The following XRRA1 variants were observed in gnomAD, a reference collection of about 807,000 sequenced individuals.
XRRA1 encodes the protein X-ray radiation resistance-associated protein 1.
Under a neutral mutation model 80.2 loss-of-function variants are expected in XRRA1, and 69 were observed. The observed-to-expected ratio is 0.86, with a 90% CI of 0.71 to 1.05. The LOEUF is 1.05. Among genes scored for constraint, XRRA1 ranks in the 50% least tolerant of loss-of-function variants. The pLI is 0.00. For synonymous variants in XRRA1, 348 were observed against 389.9 expected, an observed-to-expected ratio of 0.89 and a Z score of 1.27; for missense variants, 967 against 976.4, an observed-to-expected ratio of 0.99 and a Z score of 0.13.
chr11:74,945,234 A>G (rs1285042213), intron 1 of XRRA1, 149 bp from the exon 2 acceptor site: 1 of 152,452 alleles, frequency 6.6e-6, no homozygotes, highest in Non-Finnish European at 1.5e-5. Context: ...AGAAACAGAT[A>G]GATACCAATA....
In XRRA1 at chr11:74,843,406, G is replaced by C. The variant is rs761387859; in HGVS notation, c.2197C>G (p.Gln733Glu). The C allele has an allele frequency of 1.2e-6, 2 of 1,612,394 alleles. No individual in the cohort carries two copies. Among genetic ancestry groups the C allele is most frequent in the East Asian group, 4.5e-5 (2 of 44,788 alleles). The change falls in exon 19 of 19, where the codon CAG becomes GAG. Residue 733 changes from glutamine (Q) to glutamate (E), a missense_variant. Physicochemically the swap from Gln to Glu is conservative, Grantham distance 29 (BLOSUM62 2). Transcript: ENST00000684022. ...WTERRLVNHK[Q>E]YLEAKRLLKE... ...AACAGCCTCTTGGCCTCCAGGTACTGCTTGTGGTTCACCAGCCGCCGTTCT... is the reference window on the plus strand; with the variant it reads ...AACAGCCTCTTGGCCTCCAGGTACTCCTTGTGGTTCACCAGCCGCCGTTCT...
intron 14 of XRRA1, among the ~76,000 whole-genome samples, chr11:74,849,570 C>T (rs935931576): frequency 3.3e-5 from 5 of 152,222 alleles, no homozygotes; most frequent in South Asian, 2.1e-4. Context: ...TGGCAGCTGG[C>T]GGGAAGGGAC....
At chr11:74,844,845 AC>A (rs2135323787) in intron 16 of XRRA1, among the ~76,000 whole-genome samples, 1 of 152,366 alleles carries the variant, frequency 6.6e-6, no homozygotes, top group Admixed American at 6.5e-5. Context: ...CTCTGAATAA[AC>A]TGTGGCTCCC....
rs750302556 is a variant in XRRA1 at position 74,845,035 on chromosome 11, G to A, written c.1927+38C>T. The A allele has an allele frequency of 5.6e-6, 9 of 1,598,822 alleles. No homozygotes were observed. In the South Asian group the frequency reaches 6.6e-5, roughly 12 times the overall value. ...CTGACTTGCTCTGAGCTGTGGAGAT[G>A]GCCTCTTGCCCTAGAGCAAGGATAT... On this transcript the variant is annotated intron_variant, in intron 16 of 18. Transcript: ENST00000684022.
rs114566220 is a variant in XRRA1, at chr11:74,939,073, T to C, written c.94+1712A>G. On this transcript the variant is annotated intron_variant, in intron 3 of 18. Transcript: ENST00000684022. ...AATTCTACTATAAGAAAGAGCTGGC[T>C]GGGAGTGGTGGCTCATGCCTGTAAT... Among the ~76,000 whole-genome samples, 797 of 152,308 alleles carry C rather than the reference T, an allele frequency of 5.2e-3. 8 individuals are homozygous for C. The highest frequency in any genetic ancestry group is 0.018 in the African/African-American group (758 of 41,568).
Position 74,928,741 on chromosome 11 carries a change from T to C in XRRA1, c.425-1253A>G, listed in dbSNP as rs193293610. On this transcript the variant is annotated intron_variant, in intron 6 of 18. Transcript: ENST00000684022. ...GCTGCTTTGTGAATATTTCTGGATGTTTCCAATGAACAGCCTTGTACGAGT... is the reference window on the plus strand; with the variant it reads ...GCTGCTTTGTGAATATTTCTGGATGCTTCCAATGAACAGCCTTGTACGAGT... 2.5e-3 allele frequency among the ~76,000 whole-genome samples: 386 copies of C among 152,336 alleles called. 2 individuals carry two copies. The highest frequency in any genetic ancestry group is 9.0e-3 in the African/African-American group (373 of 41,568).
chr11:74,877,864 G>C (rs1201517404), intron 10 of XRRA1, among the ~76,000 whole-genome samples: 1 of 152,002 alleles, frequency 6.6e-6, no homozygotes, highest in African/African-American at 2.4e-5. Flanking sequence ...GTCTATCATT[G>C]TTGGACATTT....
At chr11:74,886,598 C>T (rs983972927) in intron 10 of XRRA1, among the ~76,000 whole-genome samples, 22 of 151,946 alleles carry the variant, frequency 1.4e-4, no homozygotes, top group Non-Finnish European at 8.8e-5. Flanking sequence ...ATTCCATGCC[C>T]GTGATAGGAG....
chr11:74,843,149 G>T lies in XRRA1; in HGVS notation c.*51C>A. The T allele has an allele frequency of 6.6e-7, 1 of 1,511,828 alleles. No individual in the cohort carries two copies. Among genetic ancestry groups the T allele is most frequent in the South Asian group, 1.3e-5 (1 of 78,296 alleles). The allele number at this position is 1,511,828 out of a possible 1,614,324, so 93.7% of individuals were successfully genotyped here. On this transcript the variant is annotated 3_prime_UTR_variant, in exon 19 of 19. Coordinates refer to ENST00000684022, the MANE Select transcript of XRRA1 (RefSeq NM_001378157.1). ...TGCGGTCCAGGGCACAGAGCCCTCG[G>T]GGAGAGCTGGGGCACAGGCCGGGTG...
intron 10 of XRRA1, among the ~76,000 whole-genome samples, chr11:74,902,436 AATC>A (rs1311685233): frequency 5.4e-4 from 82 of 152,334 alleles, no homozygotes; most frequent in African/African-American, 2.0e-3. Flanking sequence ...AAAGAAGGGA[AATC>A]GGTATATCAG....
intron 8 of XRRA1, among the ~76,000 whole-genome samples, chr11:74,908,467 G>C (rs1404198848): frequency 2.6e-5 from 4 of 152,174 alleles, no homozygotes; most frequent in African/African-American, 9.7e-5. Flanking sequence ...GCTTAACAAA[G>C]GTTGGCAGTG....
chr11:74,872,383 C>A (rs1279037427), intron 10 of XRRA1, among the ~76,000 whole-genome samples: 1 of 152,160 alleles, frequency 6.6e-6, no homozygotes, highest in Non-Finnish European at 1.5e-5. Flanking sequence ...GACCAGATAG[C>A]ACCTTGAAAA....
chr11:74,893,803 T>C (rs1026043498), intron 10 of XRRA1, among the ~76,000 whole-genome samples: 2 of 152,226 alleles, frequency 1.3e-5, no homozygotes, highest in African/African-American at 2.4e-5. Flanking sequence ...GGTGGAAATA[T>C]AAATTAGTTC....
chr11:74,886,547 T>TAA (rs369764587), intron 10 of XRRA1, among the ~76,000 whole-genome samples: 2 of 147,074 alleles, frequency 1.4e-5, no homozygotes, highest in Non-Finnish European at 3.0e-5. Flanking sequence ...AAACACGGCT[T>TAA]AAAAAAAAAA....
chr11:74,872,130 A>G (rs974497640), intron 10 of XRRA1, among the ~76,000 whole-genome samples: 1 of 152,168 alleles, frequency 6.6e-6, no homozygotes, highest in African/African-American at 2.4e-5. Flanking sequence ...ACACTTATTA[A>G]TGTGCATATT....
chr11:74,843,270 T>G lies in XRRA1; in HGVS notation c.2333A>C (p.Lys778Thr). Residue 778 changes from lysine (K) to threonine (T), a missense_variant, in exon 19 of 19, where the codon AAG becomes ACG. By Grantham distance (78) the Lys-to-Thr change is moderately conservative. Coordinates refer to ENST00000684022, the MANE Select transcript of XRRA1 (RefSeq NM_001378157.1). Reference sequence around the variant, plus strand: ...CATGAACTCGAGGAAGTGGCCGAACTTGGGCTGGCTCTCACTCAGCGCTGG... The same window carrying G: ...CATGAACTCGAGGAAGTGGCCGAACGTGGGCTGGCTCTCACTCAGCGCTGG... ...ACPALSESQP[K>T]FGHFLEFMDE... is the part of the protein sequence containing the mutation. 2 of 1,581,606 alleles carry G rather than the reference T, an allele frequency of 1.3e-6. No homozygotes were observed. Among genetic ancestry groups the G allele is most frequent in the South Asian group, 1.2e-5 (1 of 86,272 alleles).
chr11:74,936,044 A>G (rs1354908549), intron 4 of XRRA1, among the ~76,000 whole-genome samples: 1 of 152,204 alleles, frequency 6.6e-6, no homozygotes, highest in Non-Finnish European at 1.5e-5. Context: ...AAACCAACAA[A>G]GTTCTCTTTC....
At chr11:74,882,396 T>TA (rs1247660102) in intron 10 of XRRA1, among the ~76,000 whole-genome samples, 5 of 151,568 alleles carry the variant, frequency 3.3e-5, no homozygotes, top group Admixed American at 3.3e-4. Context: ...TTGGTTATTC[T>TA]AGTTATACAT....
At chr11:74,924,506 A>G (rs1381851643) in intron 7 of XRRA1, among the ~76,000 whole-genome samples, 1 of 150,386 alleles carries the variant, frequency 6.6e-6, no homozygotes, top group Non-Finnish European at 1.5e-5. Flanking sequence ...AGTGTGTTTC[A>G]TGTGCAAATT....
Sources: gnomAD v4.1 joint callset for allele counts (sites outside exome capture counted in the v4.1 genomes callset) on GRCh38, gnomAD v4.1.1 for gene constraint, MANE v1.5 for transcripts, NCBI Gene and HGNC (gene_info 2026-07-23, HGNC 2026-07-21) for gene names.